Variants in TRPM7 observed in about 807,000 individuals in gnomAD.
TRPM7 encodes LTRPC ion channel family member 7.
Under a neutral mutation model 229.7 loss-of-function variants are expected in TRPM7, and 134 were observed. The ratio of observed to expected loss-of-function variants is 0.58; its 90% confidence interval spans 0.51 to 0.67. TRPM7 has a LOEUF of 0.67. Ranked by LOEUF, TRPM7 falls within the 30% of genes least tolerant of loss-of-function variation. TRPM7 has a pLI of 0.00. For missense variants in TRPM7, 1,901 were observed against 2,210.0 expected, an observed-to-expected ratio of 0.86 and a Z score of 2.80; for synonymous variants, 699 against 715.2, an observed-to-expected ratio of 0.98 and a Z score of 0.36.
At chr15:50,591,836 CA>C in intron 26 of TRPM7, 74 bp downstream of exon 26, 1 of 1,050,284 alleles carries the variant, frequency 9.5e-7, no homozygotes, top group Non-Finnish European at 1.4e-6. Context: ...TGACTTGTAA[CA>C]GTACATATTT....
chr15:50,592,231 G>A lies in TRPM7; in HGVS notation c.4004C>T (p.Pro1335Leu), dbSNP rs763954849. The change falls in exon 26 of 39, where the codon CCT (proline) becomes CTT (leucine). Residue 1335 changes from proline (P) to leucine (L), a missense_variant. Physicochemically the swap from Pro to Leu is moderately conservative, Grantham distance 98. Around this residue, in one of 8 missense-constraint regions of TRPM7, gnomAD observed 533 missense variants for 497.1 expected, o/e 1.07. Transcript: ENST00000646667. ...AAATTCTTTTCTCTGGGGTACTGCA[G>A]GTAAGTCTTGACCAAATATATTACA... ...PQCNIFGQDL[P>L]AVPQRKEFNF... 7 of 1,614,114 alleles carry A rather than the reference G, an allele frequency of 4.3e-6. No individual in the cohort carries two copies. In the South Asian group the frequency reaches 7.7e-5, roughly 18 times the overall value.
chr15:50,670,615 G>A (rs1352348145), intron 1 of TRPM7, among the ~76,000 whole-genome samples: 1 of 152,084 alleles, frequency 6.6e-6, no homozygotes, highest in Admixed American at 6.6e-5. Context: ...GGAACCCTCA[G>A]TTCTGGGAAC....
At chr15:50,619,451 G>T (rs1463427252) in intron 13 of TRPM7, among the ~76,000 whole-genome samples, 1 of 144,926 alleles carries the variant, frequency 6.9e-6, no homozygotes, top group African/African-American at 2.4e-5. Context: ...TGAACTCCTG[G>T]GCTCAAGCAA....
chr15:50,572,279 C>A (rs1259486550), intron 36 of TRPM7, among the ~76,000 whole-genome samples: 3 of 152,146 alleles, frequency 2.0e-5, no homozygotes, highest in African/African-American at 4.8e-5. Flanking sequence ...GAAAGAGACC[C>A]TGCCTCTATT....
intron 1 of TRPM7, among the ~76,000 whole-genome samples, chr15:50,677,832 T>C (rs1182213786): frequency 2.7e-5 from 4 of 149,390 alleles, no homozygotes; most frequent in Non-Finnish European, 5.9e-5. Context: ...TGACTAGATA[T>C]GGTAATGGAC....
In TRPM7 at chr15:50,643,462, G is replaced by C. The variant is rs766633917; in HGVS notation, c.413C>G (p.Ser138Cys). The change falls in exon 5 of 39, where the codon TCT becomes TGT. Residue 138 changes from serine to cysteine, a missense_variant. Ser to Cys is a moderately radical substitution (Grantham distance 112, BLOSUM62 -1). This residue lies in a region of TRPM7 where 794 missense variants were observed against 881.9 expected (regional missense o/e 0.90). Transcript: ENST00000646667. ...AAATTTCTGCATGCCCCCATGTACA[G>C]AGATAACAAGTTTGGGTAACTCCAT... ...WQMELPKLVI[S>C]VHGGMQKFEL... is the part of the protein sequence containing the mutation. 6.2e-7 allele frequency: 1 copy of C among 1,614,160 alleles called. No individual in the cohort carries two copies. The highest frequency in any genetic ancestry group is 8.5e-7 in the Non-Finnish European group (1 of 1,180,028).
At chr15:50,564,974 GA>G (rs2053528728) in intron 38 of TRPM7, among the ~76,000 whole-genome samples, 1 of 150,962 alleles carries the variant, frequency 6.6e-6, no homozygotes, top group Non-Finnish European at 1.5e-5. Flanking sequence ...ATATTATCTA[GA>G]AAATGAAGGA....
At chr15:50,675,151 T>C (rs1315667484) in intron 1 of TRPM7, among the ~76,000 whole-genome samples, 5 of 152,170 alleles carry the variant, frequency 3.3e-5, no homozygotes, top group African/African-American at 9.7e-5. Flanking sequence ...GAGACCAGCC[T>C]GGCCAACATG....
chr15:50,622,203 C>G (rs887917417), intron 12 of TRPM7, among the ~76,000 whole-genome samples: 8 of 152,062 alleles, frequency 5.3e-5, no homozygotes, highest in Non-Finnish European at 7.4e-5. Context: ...TTTTTACATT[C>G]TAAAATACCA....
intron 19 of TRPM7, among the ~76,000 whole-genome samples, chr15:50,607,767 C>A (rs1418548613): frequency 6.6e-6 from 1 of 151,802 alleles, no homozygotes; most frequent in Non-Finnish European, 1.5e-5. Flanking sequence ...ACAACTGGGG[C>A]ACGCCGCGGT....
chr15:50,564,261 A>ACATAACATAACATAAC (rs1566928124), intron 38 of TRPM7, among the ~76,000 whole-genome samples: 5 of 51,526 alleles, frequency 9.7e-5, no homozygotes, highest in African/African-American at 2.9e-4. Flanking sequence ...AATAAAATAA[A>ACATAACATAACATAAC]ATAAAATAAA....
At chr15:50,631,599 C>A in intron 9 of TRPM7, 110 bp from the exon 10 acceptor site, 6 of 568,740 alleles carry the variant, frequency 1.1e-5, no homozygotes, top group Non-Finnish European at 1.9e-5. Context: ...ATGTATGTAT[C>A]TAGGAATCTA....
At chr15:50,645,075 A>G (rs756791376) in intron 4 of TRPM7, among the ~76,000 whole-genome samples, 2 of 151,464 alleles carry the variant, frequency 1.3e-5, no homozygotes, top group Admixed American at 6.6e-5. Flanking sequence ...CTAATTTTTT[A>G]AATATTTTTT....
chr15:50,566,730 T>C (rs1218163214), intron 38 of TRPM7, among the ~76,000 whole-genome samples: 1 of 151,982 alleles, frequency 6.6e-6, no homozygotes, highest in Non-Finnish European at 1.5e-5. Context: ...CGAGAATCAA[T>C]AATCTAAGTT....
At chr15:50,635,223 C>A (rs2060854400) in intron 7 of TRPM7, among the ~76,000 whole-genome samples, 1 of 146,468 alleles carries the variant, frequency 6.8e-6, no homozygotes, top group South Asian at 2.2e-4. Flanking sequence ...AGGGCTGAGG[C>A]AGGAGAATCA....
At chr15:50,679,736 C>T (rs936886809) in intron 1 of TRPM7, among the ~76,000 whole-genome samples, 1 of 150,840 alleles carries the variant, frequency 6.6e-6, no homozygotes, top group African/African-American at 2.4e-5. Flanking sequence ...GGGTTATCTA[C>T]GTTGGCCAGG....
intron 16 of TRPM7, among the ~76,000 whole-genome samples, chr15:50,612,239 T>C (rs1046881049): frequency 6.6e-6 from 1 of 152,188 alleles, no homozygotes; most frequent in South Asian, 2.1e-4. Flanking sequence ...CACAGACAAG[T>C]ACCACCACAC....
intron 1 of TRPM7, among the ~76,000 whole-genome samples, chr15:50,679,258 C>T (rs1305196331): frequency 6.6e-6 from 1 of 150,682 alleles, no homozygotes; most frequent in African/African-American, 2.4e-5. Context: ...TCACTTGAGC[C>T]TAGGAGGTTG....
rs1483842991 is a variant in TRPM7 at position 50,611,236 on chromosome 15, G to A, written c.2137C>T (p.Leu713=). 1 of 1,613,936 alleles carries A rather than the reference G, an allele frequency of 6.2e-7. No individual in the cohort carries two copies. The highest frequency in any genetic ancestry group is 1.1e-5 in the South Asian group (1 of 91,078). Residue 713 remains leucine, a synonymous_variant, in exon 17 of 39, where the codon CTG becomes TTG. Coordinates refer to ENST00000646667, the MANE Select transcript of TRPM7 (RefSeq NM_017672.6). ...CAGGTTGAATTACTCCAGTTCTTCA[G>A]TTCATAAGTGAGCAATTTCATAGCC... The part of the protein sequence containing the change: ...TMAMKLLTYE[L]KNWSNSTCLK...
Sources: allele counts gnomAD v4.1 joint callset (sites outside exome capture counted in the v4.1 genomes callset), GRCh38; gene constraint gnomAD v4.1.1; regional missense constraint gnomAD v4.1.1; transcripts MANE v1.5; gene names NCBI Gene and HGNC (gene_info 2026-07-23, HGNC 2026-07-21).